The following FZD8 variants were observed in gnomAD, a reference collection of about 807,000 sequenced individuals.
The protein encoded by FZD8 is frizzled-8.
Under a neutral mutation model 46.0 loss-of-function variants are expected in FZD8, and 18 were observed. That is an observed-to-expected ratio of 0.39 (90% CI 0.27 to 0.58). FZD8 has a LOEUF of 0.58. FZD8 is among the 20% of genes least tolerant of loss of function. The pLI is 0.55. For missense variants in FZD8, 785 were observed against 983.4 expected, an observed-to-expected ratio of 0.80 and a Z score of 2.70; for synonymous variants, 586 against 467.9, an observed-to-expected ratio of 1.25 and a Z score of -3.26.
chr10:35,640,026 C>T lies in FZD8; in HGVS notation c.1404G>A (p.Ala468=). The change falls in exon 1 of 1, where the codon GCG becomes GCA. Residue 468 remains alanine, a synonymous_variant. Coordinates refer to ENST00000374694, the MANE Select transcript of FZD8 (RefSeq NM_031866.3). ...ALSSVDGDPV[A]GICYVGNQSL... ...TCTGGTTGCCCACGTAGCAGATGCC[C>T]GCCACCGGGTCGCCGTCCACCGAGC... is the stretch of plus-strand genomic sequence containing the variant. The T allele has an allele frequency of 1.2e-6, 2 of 1,610,870 alleles. No homozygotes were observed. The highest frequency in any genetic ancestry group is 1.7e-6 in the Non-Finnish European group (2 of 1,179,696).
chr10:35,641,577 T>G lies in FZD8; in HGVS notation c.-148A>C. The G allele has an allele frequency of 9.4e-7, 1 of 1,061,034 alleles. No individual in the cohort carries two copies. The highest frequency in any genetic ancestry group is 1.3e-6 in the Non-Finnish European group (1 of 759,916). 65.7% of individuals were successfully genotyped at this position (1,061,034 alleles called of 1,614,324 possible). A position where few individuals can be genotyped will look rare whatever the true frequency, so the allele number is the denominator to read the frequency against. ...GCCCGGGAGGGGGGTCTGCCGATAA[T>G]CTAACCCCTTCTAGGGGCGCGTCCG... On this transcript the variant is annotated 5_prime_UTR_variant, in exon 1 of 1. Transcript: ENST00000374694. The surrounding 1 kb of genome is among the most constrained non-coding windows in gnomAD (Gnocchi z 6.3).
At position 35,639,480 on chromosome 10, in the gene FZD8, C is replaced by T. The variant is rs1835815766; in HGVS notation, c.1950G>A (p.Gly650=). Residue 650 remains glycine, a synonymous_variant, in exon 1 of 1, where the codon GGG becomes GGA. Transcript: ENST00000374694. ...GGGGPGGGGG[G]GPGGGGGPGG... Reference sequence around the variant, plus strand: ...CCGGCCCCCCGCCGCCGCCGGGTCCCCCGCCGCCGCCGCCCCCCGGCCCGC... The same window carrying T: ...CCGGCCCCCCGCCGCCGCCGGGTCCTCCGCCGCCGCCGCCCCCCGGCCCGC... 2 of 976,234 alleles carry T rather than the reference C, an allele frequency of 2.0e-6. No homozygotes were observed. The highest frequency in any genetic ancestry group is 1.1e-4 in the East Asian group (1 of 8,988). 60.5% of individuals were successfully genotyped at this position (976,234 alleles called of 1,614,324 possible). A position where few individuals can be genotyped will look rare whatever the true frequency, so the allele number is the denominator to read the frequency against.
Position 35,641,571 on chromosome 10 carries a change from C to G in FZD8, c.-142G>C. The stretch of plus-strand genomic sequence containing the variant: ...TGCTTCGCCCGGGAGGGGGGTCTGC[C>G]GATAATCTAACCCCTTCTAGGGGCG... On this transcript the variant is annotated 5_prime_UTR_variant, in exon 1 of 1. Coordinates refer to ENST00000374694, the MANE Select transcript of FZD8 (RefSeq NM_031866.3). The surrounding 1 kb of genome is among the most constrained non-coding windows in gnomAD (Gnocchi z 6.3). 8.8e-7 allele frequency: 1 copy of G among 1,134,260 alleles called. No homozygotes were observed. The highest frequency in any genetic ancestry group is 1.2e-6 in the Non-Finnish European group (1 of 825,704). 70.3% of individuals were successfully genotyped at this position (1,134,260 alleles called of 1,614,324 possible).
Position 35,641,841 on chromosome 10 carries a change from C to T in FZD8, c.-412G>A, listed in dbSNP as rs1483095264. The T allele has an allele frequency of 4.5e-5, 7 of 156,522 alleles. No homozygotes were observed. The South Asian group carries it at 1.4e-3, about 32-fold the overall frequency. The allele number at this position is 156,522 out of a possible 1,614,324, so 9.7% of individuals were successfully genotyped here. ...GCCGCGCCGGGCGGCGGTGACTCCGCCGGACAGAGAGGGCGGAGGCGCCGC... is the reference window on the plus strand; with the variant it reads ...GCCGCGCCGGGCGGCGGTGACTCCGTCGGACAGAGAGGGCGGAGGCGCCGC... On this transcript the variant is annotated 5_prime_UTR_variant, in exon 1 of 1. Transcript: ENST00000374694. This position sits in a 1 kb window ranked among gnomAD's most constrained non-coding sequence, Gnocchi z 6.3.
In FZD8 at chr10:35,641,184, G is replaced by A; in HGVS notation, c.246C>T (p.Pro82=). The part of the protein sequence containing the change: ...FWPLVEIQCS[P]DLKFFLCSMY... Reference sequence around the variant, plus strand: ...TGCTGCACAGGAAGAACTTGAGATCGGGCGAGCACTGGATCTCCACCAGCG... The same window carrying A: ...TGCTGCACAGGAAGAACTTGAGATCAGGCGAGCACTGGATCTCCACCAGCG... Residue 82 remains proline, a synonymous_variant, in exon 1 of 1, where the codon CCC becomes CCT. Transcript: ENST00000374694. This position sits in a 1 kb window ranked among gnomAD's most constrained non-coding sequence, Gnocchi z 6.3. The A allele has an allele frequency of 6.2e-7, 1 of 1,613,912 alleles. No individual in the cohort carries two copies. The highest frequency in any genetic ancestry group is 8.5e-7 in the Non-Finnish European group (1 of 1,179,858).
In FZD8 at chr10:35,641,480, G is replaced by T; in HGVS notation, c.-51C>A. The T allele has an allele frequency of 1.4e-6, 2 of 1,417,346 alleles. No individual in the cohort carries two copies. The highest frequency in any genetic ancestry group is 1.3e-5 in the South Asian group (1 of 74,490). 87.8% of individuals were successfully genotyped at this position (1,417,346 alleles called of 1,614,324 possible). A position where few individuals can be genotyped will look rare whatever the true frequency, so the allele number is the denominator to read the frequency against. ...CGCCCTCCAGGCGGCGCGCAGAGGG[G>T]TGCCGGGGGGGGGGCCCACGAGAGA... On this transcript the variant is annotated 5_prime_UTR_variant, in exon 1 of 1. Coordinates refer to ENST00000374694, the MANE Select transcript of FZD8 (RefSeq NM_031866.3). This position sits in a 1 kb window ranked among gnomAD's most constrained non-coding sequence, Gnocchi z 6.3.
At position 35,639,594 on chromosome 10, in the gene FZD8, G is replaced by C. The variant is rs200596805; in HGVS notation, c.1836C>G (p.Ser612=). The C allele has an allele frequency of 5.6e-6, 9 of 1,596,596 alleles. No homozygotes were observed. The highest frequency in any genetic ancestry group is 2.2e-5 in the South Asian group (2 of 90,976). ...VWVWSGKTLE[S]WRSLCTRCCW... Reference sequence around the variant, plus strand: ...AGCAGCGGGTGCACAGGGAGCGCCAGGACTCCAGCGTCTTGCCGGACCAGA... The same window carrying C: ...AGCAGCGGGTGCACAGGGAGCGCCACGACTCCAGCGTCTTGCCGGACCAGA... Residue 612 remains serine, a synonymous_variant, in exon 1 of 1, where the codon TCC becomes TCG. Coordinates refer to ENST00000374694, the MANE Select transcript of FZD8 (RefSeq NM_031866.3).
Position 35,639,865 on chromosome 10 carries a change from T to C in FZD8, c.1565A>G (p.Lys522Arg). The C allele has an allele frequency of 6.2e-7, 1 of 1,610,624 alleles. No individual in the cohort carries two copies. The highest frequency in any genetic ancestry group is 1.1e-5 in the South Asian group (1 of 91,006). Residue 522 changes from lysine to arginine, a missense_variant, in exon 1 of 1, where the codon AAG becomes AGG. Physicochemically the swap from Lys to Arg is conservative, Grantham distance 26. Coordinates refer to ENST00000374694, the MANE Select transcript of FZD8 (RefSeq NM_031866.3). ...SVIKQQDGPT[K>R]THKLEKLMIR... Reference sequence around the variant, plus strand: ...CATCAGCTTCTCCAGCTTGTGCGTCTTGGTGGGGCCGTCCTGTTGCTTGAT... The same window carrying C: ...CATCAGCTTCTCCAGCTTGTGCGTCCTGGTGGGGCCGTCCTGTTGCTTGAT...
In FZD8 at chr10:35,639,671, T is replaced by G. The variant is rs1835823012; in HGVS notation, c.1759A>C (p.Met587Leu). 6.3e-7 allele frequency: 1 copy of G among 1,599,146 alleles called. No individual in the cohort carries two copies. Residue 587 changes from methionine (M) to leucine (L), a missense_variant, in exon 1 of 1, where the codon ATG becomes CTG. Around this residue, in one of 5 missense-constraint regions of FZD8, gnomAD observed 185 missense variants for 180.8 expected, o/e 1.02. Transcript: ENST00000374694. ...QARRPDYAVFMLKYFMCLVVG... is the reference protein window; with the variant it reads ...QARRPDYAVFLLKYFMCLVVG... ...ACTAGGCACATGAAGTACTTGAGCA[T>G]GAAGACGGCGTAGTCGGGCCTGCGT...
In FZD8 at chr10:35,641,625, G is replaced by A. The variant is rs1352650258; in HGVS notation, c.-196C>T. On this transcript the variant is annotated 5_prime_UTR_variant, in exon 1 of 1. Coordinates refer to ENST00000374694, the MANE Select transcript of FZD8 (RefSeq NM_031866.3). This position sits in a 1 kb window ranked among gnomAD's most constrained non-coding sequence, Gnocchi z 6.3. ...CCGCAGCGGCGCGGCCCGCAGCCTGGGCAGGGCCCTTCCGCACTCCTTTCC... is the reference window on the plus strand; with the variant it reads ...CCGCAGCGGCGCGGCCCGCAGCCTGAGCAGGGCCCTTCCGCACTCCTTTCC... 4.4e-6 allele frequency: 3 copies of A among 683,878 alleles called. No individual in the cohort carries two copies. Among genetic ancestry groups the A allele is most frequent in the East Asian group, 5.6e-5 (2 of 35,518 alleles). 42.4% of individuals were successfully genotyped at this position (683,878 alleles called of 1,614,324 possible).
chr10:35,640,551 GA>G lies in FZD8; in HGVS notation c.878del (p.Phe293SerfsTer36). On this transcript the variant is annotated frameshift_variant, in exon 1 of 1. Coordinates refer to ENST00000374694, the MANE Select transcript of FZD8 (RefSeq NM_031866.3). LOFTEE classifies it high-confidence loss of function. ...CGATAAGGAAGGTGGAGACGGTGGC[GA>G]AGGTGGACACGAAGCAGAGCACCGA... The part of the protein sequence containing the change: ...LWSVLCFVST[F>X]ATVSTFLIDM... 1.3e-6 allele frequency: 2 copies of G among 1,587,398 alleles called. No homozygotes were observed. Among genetic ancestry groups the G allele is most frequent in the Non-Finnish European group, 8.6e-7 (1 of 1,164,672 alleles).
Position 35,641,257 on chromosome 10 carries a change from T to C in FZD8, c.173A>G (p.Asn58Ser). 6.2e-7 allele frequency: 1 copy of C among 1,614,018 alleles called. No homozygotes were observed. The highest frequency in any genetic ancestry group is 8.5e-7 in the Non-Finnish European group (1 of 1,179,944). ...YNYTYMPNQFNHDTQDEAGLE... is the reference protein window; with the variant it reads ...YNYTYMPNQFSHDTQDEAGLE... ...GCCCGCCTCGTCTTGCGTGTCGTGGTTGAACTGATTGGGCATGTAGGTGTA... is the reference window on the plus strand; with the variant it reads ...GCCCGCCTCGTCTTGCGTGTCGTGGCTGAACTGATTGGGCATGTAGGTGTA... Residue 58 changes from asparagine to serine, a missense_variant, in exon 1 of 1, where the codon AAC (asparagine) becomes AGC (serine). Coordinates refer to ENST00000374694, the MANE Select transcript of FZD8 (RefSeq NM_031866.3). The surrounding 1 kb of genome is among the most constrained non-coding windows in gnomAD (Gnocchi z 6.3).
In FZD8 at chr10:35,639,449, C is replaced by A; in HGVS notation, c.1981G>T (p.Gly661Cys). The change falls in exon 1 of 1, where the codon GGC (glycine) becomes TGC (cysteine). Residue 661 changes from glycine (G) to cysteine (C), a missense_variant. Coordinates refer to ENST00000374694, the MANE Select transcript of FZD8 (RefSeq NM_031866.3). ...ACGTCGCTGTAGAGGGAGCCCCCGC[C>A]GCCGCCCGGCCCCCCGCCGCCGCCG... is the stretch of plus-strand genomic sequence containing the variant. ...GPGGGGGPGG[G>C]GGSLYSDVST... 1 of 1,150,572 alleles carries A rather than the reference C, an allele frequency of 8.7e-7. No homozygotes were observed. The highest frequency in any genetic ancestry group is 4.8e-5 in the East Asian group (1 of 20,886). 71.3% of individuals were successfully genotyped at this position (1,150,572 alleles called of 1,614,324 possible).
chr10:35,640,884 G>A lies in FZD8; in HGVS notation c.546C>T (p.His182=). ...GGGGCCTGGCCCCCGGCGGGCGGCCGTGGCCGCTGCCCGAAGGCGGCTGCT... is the reference window on the plus strand; with the variant it reads ...GGGGCCTGGCCCCCGGCGGGCGGCCATGGCCGCTGCCCGAAGGCGGCTGCT... The part of the protein sequence containing the change: ...PGEQPPSGSG[H]GRPPGARPPH... Residue 182 remains histidine, a synonymous_variant, in exon 1 of 1, where the codon CAC becomes CAT. Transcript: ENST00000374694. 1.0e-6 allele frequency: 1 copy of A among 999,886 alleles called. No individual in the cohort carries two copies. Among genetic ancestry groups the A allele is most frequent in the Non-Finnish European group, 1.2e-6 (1 of 842,346 alleles). 61.9% of individuals were successfully genotyped at this position (999,886 alleles called of 1,614,324 possible).
In FZD8 at chr10:35,641,328, T is replaced by C. The variant is rs1835856990; in HGVS notation, c.102A>G (p.Ala34=). The C allele has an allele frequency of 6.2e-7, 1 of 1,613,930 alleles. No homozygotes were observed. The highest frequency in any genetic ancestry group is 2.2e-5 in the East Asian group (1 of 44,806). ...ACAGCGGCACGGTGATCTCTTGGCA[T>C]GCCAGCTCCTTGGCCGAGGCGGCCG... is the stretch of plus-strand genomic sequence containing the variant. The part of the protein sequence containing the change: ...GAAAASAKEL[A]CQEITVPLCK... Residue 34 remains alanine (A), a synonymous_variant, in exon 1 of 1, where the codon GCA becomes GCG. Transcript: ENST00000374694. This position sits in a 1 kb window ranked among gnomAD's most constrained non-coding sequence, Gnocchi z 6.3.
In FZD8 at chr10:35,641,448, G is replaced by C. The variant is rs1564478118; in HGVS notation, c.-19C>G. 1 of 1,577,152 alleles carries C rather than the reference G, an allele frequency of 6.3e-7. No homozygotes were observed. Among genetic ancestry groups the C allele is most frequent in the Non-Finnish European group, 8.6e-7 (1 of 1,165,638 alleles). ...ACTCCATGCTGTGCGCCTCGGCCCGGTGCCCTCGCCCTCCAGGCGGCGCGC... is the reference window on the plus strand; with the variant it reads ...ACTCCATGCTGTGCGCCTCGGCCCGCTGCCCTCGCCCTCCAGGCGGCGCGC... On this transcript the variant is annotated 5_prime_UTR_variant, in exon 1 of 1. Transcript: ENST00000374694. The surrounding 1 kb of genome is among the most constrained non-coding windows in gnomAD (Gnocchi z 6.3).
chr10:35,639,441 G>A lies in FZD8; in HGVS notation c.1989C>T (p.Gly663=). 8.4e-7 allele frequency: 1 copy of A among 1,187,102 alleles called. No individual in the cohort carries two copies. The highest frequency in any genetic ancestry group is 1.6e-5 in the African/African-American group (1 of 62,542). The allele number at this position is 1,187,102 out of a possible 1,614,324, so 73.5% of individuals were successfully genotyped here. Reference sequence around the variant, plus strand: ...CAGTGCTGACGTCGCTGTAGAGGGAGCCCCCGCCGCCGCCCGGCCCCCCGC... The same window carrying A: ...CAGTGCTGACGTCGCTGTAGAGGGAACCCCCGCCGCCGCCCGGCCCCCCGC... ...GGGGGPGGGG[G]SLYSDVSTGL... The change falls in exon 1 of 1, where the codon GGC becomes GGT. Residue 663 remains glycine, a synonymous_variant. Transcript: ENST00000374694.
rs1001931049 is a variant in FZD8, at chr10:35,638,538, A to G, written c.*807T>C. The G allele has an allele frequency of 1.3e-5, 2 of 152,586 alleles. No homozygotes were observed. Among genetic ancestry groups the G allele is most frequent in the African/African-American group, 4.8e-5 (2 of 41,446 alleles). The allele number at this position is 152,586 out of a possible 1,614,324, so 9.5% of individuals were successfully genotyped here. A position where few individuals can be genotyped will look rare whatever the true frequency, so the allele number is the denominator to read the frequency against. On this transcript the variant is annotated 3_prime_UTR_variant, in exon 1 of 1. Transcript: ENST00000374694. ...CAGAATGACAAGCCAGAAAATGTCCATTTTCCCCATGCGTCCTTAGCAAGC... is the reference window on the plus strand; with the variant it reads ...CAGAATGACAAGCCAGAAAATGTCCGTTTTCCCCATGCGTCCTTAGCAAGC...
At position 35,640,330 on chromosome 10, in the gene FZD8, G is replaced by GGGC; in HGVS notation, c.1099_1100insGCC (p.Ala367delinsGlyPro). On this transcript the variant is annotated protein_altering_variant, in exon 1 of 1. Coordinates refer to ENST00000374694, the MANE Select transcript of FZD8 (RefSeq NM_031866.3). The stretch of plus-strand genomic sequence containing the variant: ...CTCGCCGCGCCCGCCCGGGCCGCCC[G>GGGC]CGCCCGCGCCCGCCGCGCCCGCGCC... 9.8e-7 allele frequency: 1 copy of GGGC among 1,023,466 alleles called. No individual in the cohort carries two copies. The highest frequency in any genetic ancestry group is 1.2e-6 in the Non-Finnish European group (1 of 851,526). The allele number at this position is 1,023,466 out of a possible 1,614,324, so 63.4% of individuals were successfully genotyped here.
Sources: gnomAD v4.1 joint callset for allele counts on GRCh38, gnomAD v4.1.1 for gene constraint, gnomAD v4.1.1 regional missense constraint, Gnocchi (gnomAD v3.1) non-coding constraint, MANE v1.5 for transcripts, NCBI Gene and HGNC (gene_info 2026-07-23, HGNC 2026-07-21) for gene names.